RCAN3: variants seen among roughly 807,000 people sequenced by gnomAD.
The protein encoded by RCAN3 is regulator of calcineurin 3.
In RCAN3, 19 loss-of-function variants were observed where a neutral mutation model predicts 21.9. The ratio of observed to expected loss-of-function variants is 0.87; its 90% CI spans 0.61 to 1.27. The LOEUF is 1.27. Among genes scored for constraint, RCAN3 ranks in the 50% most tolerant of loss-of-function variants. RCAN3 has a pLI of 0.00. For synonymous variants in RCAN3, 114 were observed against 112.3 expected (o/e 1.01, Z -0.09); for missense variants, 240 against 300.1 (o/e 0.80, Z 1.48).
In RCAN3 at chr1:24,532,928, G is replaced by A. The variant is rs553457775; in HGVS notation, c.370-155G>A. ...TGGACCACTGCACTCCAGCCTGGGC[G>A]ACAAAGTGAGACTCCGTCTCAAAAA... On this transcript the variant is annotated intron_variant, in intron 3 of 4. Transcript: ENST00000374395. Among the ~76,000 whole-genome samples, 646 of 102,676 alleles carry A rather than the reference G, an allele frequency of 6.3e-3. 5 individuals are homozygous for A. The highest frequency in any genetic ancestry group is 0.022 in the African/African-American group (567 of 25,336). 67.4% of individuals were successfully genotyped at this position (102,676 alleles called of 152,430 possible).
chr1:24,535,066 T>A, intron 4 of RCAN3, 27 bp from the exon 5 acceptor site: 1 of 1,586,190 alleles, frequency 6.3e-7, no homozygotes, highest in South Asian at 1.2e-5. Context: ...GATGCTTTTG[T>A]CATGGTTATT....
chr1:24,516,282 T>C (rs566886161), intron 2 of RCAN3, among the ~76,000 whole-genome samples: 1 of 151,934 alleles, frequency 6.6e-6, no homozygotes, highest in Non-Finnish European at 1.5e-5. Flanking sequence ...CTGGGCAATA[T>C]AGCGAGACCC....
chr1:24,519,892 T>C (rs1391061311), intron 2 of RCAN3, among the ~76,000 whole-genome samples: 3 of 152,258 alleles, frequency 2.0e-5, no homozygotes, highest in Non-Finnish European at 4.4e-5. Context: ...CTGGCCTAAA[T>C]TCTTTTGTGG....
rs1650264375 is a variant in RCAN3, at chr1:24,536,859, G to A, written c.*1582G>A. On this transcript the variant is annotated 3_prime_UTR_variant, in exon 5 of 5. Transcript: ENST00000374395. ...TCCTTGCCCTCAAATACCCTGAGGT[G>A]ATAAACTGTTCCAGTTGTAGCCAAC... is the stretch of plus-strand genomic sequence containing the variant. 6.6e-6 allele frequency: 1 copy of A among 151,756 alleles called. No homozygotes were observed. Among genetic ancestry groups the A allele is most frequent in the Non-Finnish European group, 1.5e-5 (1 of 67,978 alleles). The allele number at this position is 151,756 out of a possible 1,614,324, so 9.4% of individuals were successfully genotyped here. A position where few individuals can be genotyped will look rare whatever the true frequency, so the allele number is the denominator to read the frequency against.
chr1:24,515,740 T>A (rs1648265010), intron 2 of RCAN3, among the ~76,000 whole-genome samples: 2 of 152,248 alleles, frequency 1.3e-5, no homozygotes, highest in African/African-American at 4.8e-5. Context: ...GGATAGAGTG[T>A]GAGTCATGCA....
At chr1:24,511,942 G>A (rs892303750) in intron 1 of RCAN3, among the ~76,000 whole-genome samples, 13 of 152,102 alleles carry the variant, frequency 8.5e-5, no homozygotes, top group African/African-American at 2.4e-4. Context: ...GAGGGAGCAC[G>A]GCAAGAAGAG....
At chr1:24,516,326 A>C (rs1648318944) in intron 2 of RCAN3, among the ~76,000 whole-genome samples, 1 of 152,026 alleles carries the variant, frequency 6.6e-6, no homozygotes, top group Non-Finnish European at 1.5e-5. Context: ...ATAATAATTT[A>C]AATAGTGCGT....
chr1:24,516,701 G>C (rs556887489), intron 2 of RCAN3, among the ~76,000 whole-genome samples: 1 of 152,162 alleles, frequency 6.6e-6, no homozygotes, highest in Non-Finnish European at 1.5e-5. Flanking sequence ...AGAGCTCCAC[G>C]TCAGGAAGCT....
chr1:24,518,440 TAGGGTTGTTA>T (rs1319215329), intron 2 of RCAN3, among the ~76,000 whole-genome samples: 3 of 152,222 alleles, frequency 2.0e-5, no homozygotes, highest in Non-Finnish European at 4.4e-5. Context: ...TTCTCAGCTA[TAGGGTTGTTA>T]ATTTTATGCA....
Position 24,539,757 on chromosome 1 carries a change from C to T in RCAN3, c.*4480C>T, listed in dbSNP as rs191436387. The T allele has an allele frequency of 6.6e-6, 1 of 152,376 alleles. No homozygotes were observed. The highest frequency in any genetic ancestry group is 2.4e-5 in the African/African-American group (1 of 41,598). 9.4% of individuals were successfully genotyped at this position (152,376 alleles called of 1,614,324 possible). A position where few individuals can be genotyped will look rare whatever the true frequency, so the allele number is the denominator to read the frequency against. ...TCAATGCTATGGTGCGTCAGGCCCT[C>T]TGTCTACCAGGTTTCTCCCCTTTCT... is the stretch of plus-strand genomic sequence containing the variant. On this transcript the variant is annotated 3_prime_UTR_variant, in exon 5 of 5. Transcript: ENST00000374395.
At position 24,535,422 on chromosome 1, in the gene RCAN3, A is replaced by G. The variant is rs2148916141; in HGVS notation, c.*145A>G. The G allele has an allele frequency of 2.0e-5, 16 of 801,300 alleles. No homozygotes were observed. The highest frequency in any genetic ancestry group is 2.3e-5 in the Non-Finnish European group (13 of 562,768). The allele number at this position is 801,300 out of a possible 1,614,324, so 49.6% of individuals were successfully genotyped here. A position where few individuals can be genotyped will look rare whatever the true frequency, so the allele number is the denominator to read the frequency against. On this transcript the variant is annotated 3_prime_UTR_variant, in exon 5 of 5. Transcript: ENST00000374395. ...TCTTCTCACCACGCCTGTACTGCAG[A>G]CACGGTCGTGTAGAGTAGCAGCTGA... is the stretch of plus-strand genomic sequence containing the variant.
intron 3 of RCAN3, among the ~76,000 whole-genome samples, chr1:24,532,157 C>T (rs1649813784): frequency 6.6e-6 from 1 of 152,092 alleles, no homozygotes; most frequent in African/African-American, 2.4e-5. Context: ...CTAATGTCTT[C>T]TAAGATTGGA....
rs145485953 is a variant in RCAN3, at chr1:24,523,157, G to A, written c.196-8061G>A. ...CAGCTCACTGCAACCTTCACCTCCC[G>A]GGTTCAAAGAGTTCTCCTACCTCAG... On this transcript the variant is annotated intron_variant, in intron 2 of 4. Coordinates refer to ENST00000374395, the MANE Select transcript of RCAN3 (RefSeq NM_013441.4). Among the ~76,000 whole-genome samples the A allele has an allele frequency of 3.3e-5, 5 of 151,350 alleles. No individual in the cohort carries two copies. In the East Asian group the frequency reaches 5.8e-4, roughly 18 times the overall value.
intron 2 of RCAN3, among the ~76,000 whole-genome samples, chr1:24,522,818 G>A (rs1337184398): frequency 6.6e-6 from 1 of 152,058 alleles, no homozygotes; most frequent in Non-Finnish European, 1.5e-5. Context: ...TATGCAAAAA[G>A]GATAGACTAA....
In RCAN3 at chr1:24,538,587, TTTTTA is replaced by T; in HGVS notation, c.*3312_*3316del. On this transcript the variant is annotated 3_prime_UTR_variant, in exon 5 of 5. Coordinates refer to ENST00000374395, the MANE Select transcript of RCAN3 (RefSeq NM_013441.4). ...GCCCGGCTAATTTTTTTTTTTTTTT[TTTTTA>T]TAAGTAGAGACGGGGTTTCACCACG... The T allele has an allele frequency of 6.7e-6, 1 of 148,996 alleles. No homozygotes were observed. Among genetic ancestry groups the T allele is most frequent in the African/African-American group, 2.5e-5 (1 of 40,560 alleles). The allele number at this position is 148,996 out of a possible 1,614,324, so 9.2% of individuals were successfully genotyped here.
intron 2 of RCAN3, among the ~76,000 whole-genome samples, chr1:24,518,239 C>T (rs1477061619): frequency 6.6e-6 from 1 of 152,098 alleles, no homozygotes; most frequent in African/African-American, 2.4e-5. Context: ...CTTTTACATT[C>T]TTCCGAATAG....
rs1046141054 is a variant in RCAN3 at position 24,538,493 on chromosome 1, C to T, written c.*3216C>T. On this transcript the variant is annotated 3_prime_UTR_variant, in exon 5 of 5. Coordinates refer to ENST00000374395, the MANE Select transcript of RCAN3 (RefSeq NM_013441.4). Reference sequence around the variant, plus strand: ...GATCTCGGCTCACTGCAAGCTCCGCCTCCCGGGTTCACGCCATTCTCCTGC... The same window carrying T: ...GATCTCGGCTCACTGCAAGCTCCGCTTCCCGGGTTCACGCCATTCTCCTGC... The T allele has an allele frequency of 3.3e-5, 5 of 151,720 alleles. No homozygotes were observed. The highest frequency in any genetic ancestry group is 1.2e-4 in the African/African-American group (5 of 41,326). 9.4% of individuals were successfully genotyped at this position (151,720 alleles called of 1,614,324 possible). A position where few individuals can be genotyped will look rare whatever the true frequency, so the allele number is the denominator to read the frequency against.
intron 2 of RCAN3, among the ~76,000 whole-genome samples, chr1:24,527,940 T>C (rs1487275538): frequency 6.6e-6 from 1 of 152,142 alleles, no homozygotes; most frequent in Non-Finnish European, 1.5e-5. Flanking sequence ...ACTCAAATAT[T>C]GCTCTCTTTC....
chr1:24,535,556 G>A lies in RCAN3; in HGVS notation c.*279G>A. The A allele has an allele frequency of 3.1e-6, 1 of 323,906 alleles. No homozygotes were observed. The highest frequency in any genetic ancestry group is 4.8e-5 in the East Asian group (1 of 20,826). The allele number at this position is 323,906 out of a possible 1,614,324, so 20.1% of individuals were successfully genotyped here. A position where few individuals can be genotyped will look rare whatever the true frequency, so the allele number is the denominator to read the frequency against. ...CCATTTTTAAATAGTAACAAATTAG[G>A]AAAACAGCTCCCCTCCCCTCCAGCC... On this transcript the variant is annotated 3_prime_UTR_variant, in exon 5 of 5. Coordinates refer to ENST00000374395, the MANE Select transcript of RCAN3 (RefSeq NM_013441.4).
Sources: gnomAD v4.1 joint callset for allele counts (sites outside exome capture counted in the v4.1 genomes callset) on GRCh38, gnomAD v4.1.1 for gene constraint, MANE v1.5 for transcripts, NCBI Gene and HGNC (gene_info 2026-07-23, HGNC 2026-07-21) for gene names.